MEI4: variants seen among roughly 807,000 people sequenced by gnomAD.
The protein encoded by MEI4 is meiotic double-stranded break formation protein 4, also known as meiosis-specific protein MEI4.
In MEI4, 27 loss-of-function variants were observed where a neutral mutation model predicts 31.4. That is an observed-to-expected ratio of 0.86 (90% CI 0.63 to 1.19). The LOEUF (loss-of-function observed/expected upper bound fraction) is 1.19. Among genes scored for constraint, MEI4 ranks in the 50% most tolerant of loss-of-function variants. The probability of loss-of-function intolerance (pLI) is 0.00; values close to 1 mark genes in which losing one functional copy is unlikely to be tolerated. For missense variants in MEI4, 329 were observed against 398.9 expected, an observed-to-expected ratio of 0.82 and a Z score of 1.49; for synonymous variants, 122 against 145.4, an observed-to-expected ratio of 0.84 and a Z score of 1.16.
intron 1 of MEI4, among the ~76,000 whole-genome samples, chr6:77,681,556 C>T (rs935709885): frequency 4.6e-5 from 7 of 152,150 alleles, no homozygotes; most frequent in African/African-American, 1.4e-4. Flanking sequence ...ATCTCTGAAT[C>T]ACTGTCTTTT....
intron 2 of MEI4, chr6:77,716,813 T>G (rs146332448): frequency 5.4e-6 from 5 of 933,028 alleles, no homozygotes; most frequent in Non-Finnish European, 6.4e-6. Context: ...CATGTGGAAG[T>G]TGAACAAGGA....
chr6:77,696,150 TAAG>T (rs1766030482), intron 2 of MEI4, among the ~76,000 whole-genome samples: 1 of 152,300 alleles, frequency 6.6e-6, no homozygotes, highest in Admixed American at 6.5e-5. Flanking sequence ...CTTATCAGCT[TAAG>T]GAGATTTTGG....
At chr6:77,739,529 C>G (rs959202992) in intron 2 of MEI4, among the ~76,000 whole-genome samples, 1 of 151,992 alleles carries the variant, frequency 6.6e-6, no homozygotes, top group Admixed American at 6.6e-5. Flanking sequence ...CAATGAGAAC[C>G]TGTGGACACA....
chr6:77,701,848 G>A lies in MEI4; in HGVS notation c.232+10945G>A, dbSNP rs1034373782. ...TAGTGGAGGTGGAGGGCAGTATGCAGAGCAGTGTAAGTAGTTAGGGTTGAA... is the reference window on the plus strand; with the variant it reads ...TAGTGGAGGTGGAGGGCAGTATGCAAAGCAGTGTAAGTAGTTAGGGTTGAA... On this transcript the variant is annotated intron_variant, in intron 2 of 4. Transcript: ENST00000684080. 2.6e-5 allele frequency among the ~76,000 whole-genome samples: 4 copies of A among 152,260 alleles called. No individual in the cohort carries two copies. In the South Asian group the frequency reaches 8.3e-4, roughly 32 times the overall value.
intron 2 of MEI4, among the ~76,000 whole-genome samples, chr6:77,749,846 A>C (rs138108643): frequency 0.032 from 4,875 of 152,262 alleles, 268 homozygotes; most frequent in African/African-American, 0.11. Flanking sequence ...AATGAGGGAA[A>C]AAATGTTAAG....
At chr6:77,906,868 A>G (rs1034945222) in intron 4 of MEI4, among the ~76,000 whole-genome samples, 1 of 152,158 alleles carries the variant, frequency 6.6e-6, no homozygotes, top group African/African-American at 2.4e-5. Flanking sequence ...CTGTAGATGT[A>G]GCTCTCTATG....
intron 2 of MEI4, among the ~76,000 whole-genome samples, chr6:77,724,982 TG>T (rs2127664765): frequency 7.1e-6 from 1 of 141,372 alleles, no homozygotes; most frequent in East Asian, 2.0e-4. Flanking sequence ...CTGTTTGAAA[TG>T]GTTCTAAAGC....
intron 1 of MEI4, among the ~76,000 whole-genome samples, chr6:77,655,647 T>C (rs547038618): frequency 6.6e-6 from 1 of 152,310 alleles, no homozygotes; most frequent in East Asian, 1.9e-4. Context: ...TATACTATCC[T>C]ATTTTCTTTA....
At chr6:77,784,528 G>A (rs138282785) in intron 3 of MEI4, among the ~76,000 whole-genome samples, 3,329 of 152,202 alleles carry the variant, frequency 0.022, 55 homozygotes, top group Non-Finnish European at 0.033. Flanking sequence ...CTATGAACAT[G>A]AGACTTCATT....
chr6:77,660,100 A>G (rs1369510684), intron 1 of MEI4, among the ~76,000 whole-genome samples: 3 of 152,076 alleles, frequency 2.0e-5, no homozygotes, highest in African/African-American at 7.2e-5. Flanking sequence ...AGGTGTAGGG[A>G]GATGGGAGAT....
chr6:77,837,906 T>C (rs1368530882), intron 4 of MEI4, among the ~76,000 whole-genome samples: 2 of 152,170 alleles, frequency 1.3e-5, no homozygotes, highest in African/African-American at 4.8e-5. Flanking sequence ...AAATGAAAAT[T>C]AAAATAATAC....
intron 4 of MEI4, among the ~76,000 whole-genome samples, chr6:77,830,305 G>T (rs1770046573): frequency 6.6e-6 from 1 of 152,034 alleles, no homozygotes; most frequent in Non-Finnish European, 1.5e-5. Flanking sequence ...AAGCAATGTG[G>T]AAAGTGAGTT....
intron 2 of MEI4, among the ~76,000 whole-genome samples, chr6:77,714,828 T>C (rs796384942): frequency 6.6e-5 from 10 of 152,284 alleles, no homozygotes; most frequent in African/African-American, 2.2e-4. Context: ...CTCCATGATC[T>C]CTCAACACTC....
chr6:77,786,479 A>T (rs1768739073), intron 3 of MEI4, among the ~76,000 whole-genome samples: 1 of 152,182 alleles, frequency 6.6e-6, no homozygotes, highest in South Asian at 2.1e-4. Flanking sequence ...AATTGTAAAC[A>T]TTCCCATTTT....
chr6:77,824,940 G>C (rs950310272), intron 3 of MEI4, among the ~76,000 whole-genome samples: 1 of 152,110 alleles, frequency 6.6e-6, no homozygotes, highest in African/African-American at 2.4e-5. Flanking sequence ...TCCATAGACA[G>C]TCCTTCCATA....
rs181167651 is a variant in MEI4, at chr6:77,915,404, T to C, written c.901-7685T>C. Reference sequence around the variant, plus strand: ...TTATGAAGACTTCCTTTATTGGGTATGTTATTCTTGACTGGCAGGTTTTTT... The same window carrying C: ...TTATGAAGACTTCCTTTATTGGGTACGTTATTCTTGACTGGCAGGTTTTTT... On this transcript the variant is annotated intron_variant, in intron 4 of 4. Transcript: ENST00000684080. Among the ~76,000 whole-genome samples, 13 of 152,194 alleles carry C rather than the reference T, an allele frequency of 8.5e-5. No homozygotes were observed. In the East Asian group the frequency reaches 2.5e-3, roughly 29 times the overall value.
At chr6:77,890,362 T>C (rs1198374063) in intron 4 of MEI4, among the ~76,000 whole-genome samples, 1 of 152,218 alleles carries the variant, frequency 6.6e-6, no homozygotes, top group African/African-American at 2.4e-5. Flanking sequence ...TTTTGAAACT[T>C]TAATGACTGA....
In MEI4 at chr6:77,757,515, A is replaced by G. The variant is rs567527903; in HGVS notation, c.233-3615A>G. Among the ~76,000 whole-genome samples the G allele has an allele frequency of 7.2e-5, 11 of 152,346 alleles. No homozygotes were observed. In the South Asian group the frequency reaches 1.0e-3, roughly 14 times the overall value. On this transcript the variant is annotated intron_variant, in intron 2 of 4. Transcript: ENST00000684080. ...GTACTCTTTCAAATTTGTACTTGTC[A>G]TGCCTGAAGGGGATGAGATGGAGTG...
intron 4 of MEI4, among the ~76,000 whole-genome samples, chr6:77,919,771 AAG>A (rs1184685953): frequency 3.3e-5 from 5 of 149,474 alleles, no homozygotes; most frequent in Non-Finnish European, 4.5e-5. Context: ...TAAAGAAAAA[AAG>A]AGAGAAGAAT....
Sources: gnomAD v4.1 joint callset for allele counts (sites outside exome capture counted in the v4.1 genomes callset) on GRCh38, gnomAD v4.1.1 for gene constraint, MANE v1.5 for transcripts, NCBI Gene and HGNC (gene_info 2026-07-23, HGNC 2026-07-21) for gene names.